Variants in WDPCP observed in about 807,000 individuals in gnomAD.
WDPCP encodes the protein WD repeat-containing and planar cell polarity effector protein fritz homolog.
WDPCP carries 71 observed loss-of-function variants against 93.1 expected under a neutral mutation model. The observed-to-expected ratio is 0.76, with a 90% CI of 0.63 to 0.93. WDPCP has a LOEUF of 0.93. Among genes scored for constraint, WDPCP ranks in the 40% least tolerant of loss-of-function variants. The pLI, the probability that WDPCP is intolerant of heterozygous loss-of-function variation, is 0.00. For synonymous variants in WDPCP, 315 were observed against 315.0 expected, an observed-to-expected ratio of 1.00 and a Z score of 0.00; for missense variants, 844 against 887.4, an observed-to-expected ratio of 0.95 and a Z score of 0.62.
In WDPCP at chr2:63,334,009, A is replaced by G. The variant is rs575088169; in HGVS notation, c.1749-20698T>C. ...TGTTGGGGGCACTTTGTAGTTTCAT[A>G]TGAATTCATAGATTGGCTTTCCCTA... is the stretch of plus-strand genomic sequence containing the variant. On this transcript the variant is annotated intron_variant, in intron 12 of 17. Transcript: ENST00000272321. Among the ~76,000 whole-genome samples the G allele has an allele frequency of 3.9e-5, 6 of 152,342 alleles. No individual in the cohort carries two copies. The East Asian group carries it at 1.2e-3, about 29-fold the overall frequency.
chr2:63,636,836 CA>C (rs1709925409), intron 3 of WDPCP, among the ~76,000 whole-genome samples: 1 of 152,092 alleles, frequency 6.6e-6, no homozygotes, highest in Non-Finnish European at 1.5e-5. Context: ...ATAATATCTT[CA>C]AAAAACAGTG....
intron 3 of WDPCP, among the ~76,000 whole-genome samples, chr2:63,621,664 A>T (rs1384866883): frequency 1.3e-5 from 2 of 152,156 alleles, no homozygotes; most frequent in Non-Finnish European, 2.9e-5. Flanking sequence ...AAATTCAGGA[A>T]ATACAGAGAA....
At chr2:63,573,842 C>A (rs1187891593) in intron 1 of WDPCP, among the ~76,000 whole-genome samples, 1 of 152,164 alleles carries the variant, frequency 6.6e-6, no homozygotes, top group African/African-American at 2.4e-5. Flanking sequence ...AAAGAGAATG[C>A]GTCCCTGAGG....
intron 13 of WDPCP, among the ~76,000 whole-genome samples, chr2:63,284,919 A>G (rs945643267): frequency 7.9e-5 from 12 of 152,224 alleles, no homozygotes; most frequent in Non-Finnish European, 1.5e-4. Context: ...GCACATGGAC[A>G]TAGACACACA....
chr2:63,825,725 A>G (rs977815676), intron 1 of WDPCP, among the ~76,000 whole-genome samples: 3 of 152,102 alleles, frequency 2.0e-5, no homozygotes, highest in African/African-American at 7.2e-5. Flanking sequence ...GAAAGGAAAC[A>G]GAGAATTGTG....
intron 2 of WDPCP, among the ~76,000 whole-genome samples, chr2:63,682,044 T>C (rs7580520): frequency 0.26 from 39,568 of 152,156 alleles, 5,398 homozygotes; most frequent in Middle Eastern, 0.32. Flanking sequence ...TTTGAATACA[T>C]GGAAAGCCTT....
intron 2 of WDPCP, among the ~76,000 whole-genome samples, chr2:63,790,388 T>C (rs1670528460): frequency 6.6e-6 from 1 of 152,166 alleles, no homozygotes; most frequent in Admixed American, 6.5e-5. Flanking sequence ...ACAGAGTCAG[T>C]ACCAGCCACA....
At chr2:63,473,638 G>C (rs1471720341) in intron 6 of WDPCP, among the ~76,000 whole-genome samples, 3 of 152,018 alleles carry the variant, frequency 2.0e-5, no homozygotes, top group African/African-American at 4.8e-5. Context: ...TAGCCATCTG[G>C]TTTGCAACTT....
intron 1 of WDPCP, among the ~76,000 whole-genome samples, chr2:63,501,694 G>A (rs866595657): frequency 3.9e-5 from 6 of 152,302 alleles, no homozygotes; most frequent in Middle Eastern, 3.4e-3. Context: ...TCAGCTCACT[G>A]CAACTTCCAC....
intron 13 of WDPCP, among the ~76,000 whole-genome samples, chr2:63,307,684 T>G (rs1448940733): frequency 3.9e-5 from 6 of 152,216 alleles, no homozygotes; most frequent in African/African-American, 7.2e-5. Flanking sequence ...GCTAGCTATG[T>G]GCAGAAAACT....
chr2:63,528,109 G>A (rs905188127), intron 1 of WDPCP, among the ~76,000 whole-genome samples: 3 of 152,090 alleles, frequency 2.0e-5, no homozygotes, highest in Non-Finnish European at 1.5e-5. Context: ...GTAGATTCTG[G>A]ATATTAGCCC....
At chr2:63,797,359 G>T (rs1174772035) in intron 2 of WDPCP, among the ~76,000 whole-genome samples, 2 of 152,068 alleles carry the variant, frequency 1.3e-5, no homozygotes, top group Non-Finnish European at 2.9e-5. Context: ...CTCAGCCACT[G>T]TAGGACAGAG....
intron 1 of WDPCP, among the ~76,000 whole-genome samples, chr2:63,561,414 G>A (rs551423164): frequency 6.6e-6 from 1 of 151,742 alleles, no homozygotes; most frequent in South Asian, 2.1e-4. Context: ...GGAGGCGGAG[G>A]TTACAGTGAG....
intron 9 of WDPCP, 80 bp downstream of exon 9, chr2:63,433,662 TCAC>T (rs1274313265): frequency 2.3e-6 from 3 of 1,309,444 alleles, no homozygotes; most frequent in Non-Finnish European, 3.1e-6. Flanking sequence ...TAAAAAATAT[TCAC>T]ATTTATTTCA....
chr2:63,833,773 C>A, the WDPCP span, among the ~76,000 whole-genome samples: 1 of 152,024 alleles, frequency 6.6e-6, no homozygotes. Context: ...ACATGACAAT[C>A]TAAAGACAAC....
intron 14 of WDPCP, among the ~76,000 whole-genome samples, chr2:63,188,356 AT>A (rs1032890155): frequency 6.6e-6 from 1 of 150,702 alleles, no homozygotes; most frequent in African/African-American, 2.4e-5. Flanking sequence ...ATTTATCTTC[AT>A]TTTTTTTCTT....
chr2:63,243,797 T>G (rs183270713), intron 14 of WDPCP, among the ~76,000 whole-genome samples: 1 of 152,230 alleles, frequency 6.6e-6, no homozygotes, highest in East Asian at 1.9e-4. Context: ...CTGACAGCAT[T>G]AGACAGGTCA....
At chr2:63,800,154 T>C (rs1670674519) in intron 2 of WDPCP, among the ~76,000 whole-genome samples, 1 of 152,202 alleles carries the variant, frequency 6.6e-6, no homozygotes. Context: ...TTTTAGAATG[T>C]ATCCAAATAG....
intron 17 of WDPCP, among the ~76,000 whole-genome samples, chr2:63,124,362 T>C (rs185951296): frequency 2.6e-5 from 4 of 152,158 alleles, no homozygotes; most frequent in East Asian, 3.8e-4. Context: ...GTGTTAATTC[T>C]TGTAGTAATT....
Sources: allele counts gnomAD v4.1 joint callset (sites outside exome capture counted in the v4.1 genomes callset), GRCh38; gene constraint gnomAD v4.1.1; transcripts MANE v1.5; gene names NCBI Gene and HGNC (gene_info 2026-07-23, HGNC 2026-07-21).